PABPC4L: variants seen among roughly 807,000 people sequenced by gnomAD.
PABPC4L encodes polyadenylate-binding protein 4-like.
For missense variants in PABPC4L, 452 were observed against 451.4 expected, an observed-to-expected ratio of 1.00 and a Z score of -0.01; for synonymous variants, 169 against 164.1, an observed-to-expected ratio of 1.03 and a Z score of -0.23.
At chr4:134,130,272 A>G in the PABPC4L span, among the ~76,000 whole-genome samples, 3 of 152,168 alleles carry the variant, frequency 2.0e-5, no homozygotes, top group Middle Eastern at 3.4e-3. Flanking sequence ...ATTAAAATTG[A>G]TAGATCATTC....
the PABPC4L span, among the ~76,000 whole-genome samples, chr4:133,950,806 T>C: frequency 6.6e-6 from 1 of 152,194 alleles, no homozygotes; most frequent in African/African-American, 2.4e-5. Context: ...TTGATGGCCA[T>C]TTATATGAAC....
chr4:134,020,895 C>G, the PABPC4L span, among the ~76,000 whole-genome samples: 16 of 152,000 alleles, frequency 1.1e-4, 1 homozygote. Flanking sequence ...TATTGCTTTT[C>G]CTGTCAGAGT....
the PABPC4L span, among the ~76,000 whole-genome samples, chr4:134,130,605 A>G: frequency 6.6e-6 from 1 of 152,148 alleles, no homozygotes; most frequent in Non-Finnish European, 1.5e-5. Context: ...CAGATATTCA[A>G]ATAATTGGTA....
At chr4:133,950,910 A>G in the PABPC4L span, among the ~76,000 whole-genome samples, 11 of 151,910 alleles carry the variant, frequency 7.2e-5, no homozygotes. Context: ...ATTAGGCCCT[A>G]CTCTGTCCAG....
At chr4:134,117,554 C>T in the PABPC4L span, among the ~76,000 whole-genome samples, 139 of 151,674 alleles carry the variant, frequency 9.2e-4, no homozygotes, top group Middle Eastern at 3.4e-3. Flanking sequence ...CCATAGAAAC[C>T]GTGACAGTTA....
the PABPC4L span, among the ~76,000 whole-genome samples, chr4:134,116,177 A>G: frequency 6.6e-6 from 1 of 151,756 alleles, no homozygotes; most frequent in Non-Finnish European, 1.5e-5. Flanking sequence ...ACATGGCATG[A>G]CCTCCATTAT....
At chr4:134,018,908 T>C in the PABPC4L span, among the ~76,000 whole-genome samples, 1 of 152,112 alleles carries the variant, frequency 6.6e-6, no homozygotes, top group Non-Finnish European at 1.5e-5. Flanking sequence ...ATAAATAGAT[T>C]AGTGGTATTC....
At chr4:134,193,391 AT>A (rs1350408015), downstream of PABPC4L, among the ~76,000 whole-genome samples, 2 of 151,842 alleles carry the variant, frequency 1.3e-5, no homozygotes, top group South Asian at 2.1e-4. Flanking sequence ...AAAATAATAT[AT>A]TTTTTAAAAA....
chr4:133,994,745 T>C, the PABPC4L span, among the ~76,000 whole-genome samples: 1 of 152,122 alleles, frequency 6.6e-6, no homozygotes, highest in Non-Finnish European at 1.5e-5. Context: ...CCCTGGGCAT[T>C]GGGGACCCAG....
the PABPC4L span, among the ~76,000 whole-genome samples, chr4:134,189,669 A>C: frequency 6.6e-6 from 1 of 152,042 alleles, no homozygotes; most frequent in Non-Finnish European, 1.5e-5. Flanking sequence ...GAAGGGAAGC[A>C]TCCTGTAGTC....
At chr4:133,980,921 G>C in the PABPC4L span, among the ~76,000 whole-genome samples, 4 of 152,206 alleles carry the variant, frequency 2.6e-5, no homozygotes, top group Non-Finnish European at 5.9e-5. Flanking sequence ...ACTTTGGGAG[G>C]CCGAAGTGGG....
At chr4:134,053,714 G>A in the PABPC4L span, among the ~76,000 whole-genome samples, 1 of 151,956 alleles carries the variant, frequency 6.6e-6, no homozygotes, top group Admixed American at 6.6e-5. Context: ...GTCTTATGAG[G>A]ACATTGGTAA....
the PABPC4L span, among the ~76,000 whole-genome samples, chr4:134,146,001 C>T: frequency 3.3e-5 from 5 of 152,026 alleles, no homozygotes; most frequent in South Asian, 1.0e-3. Context: ...CAGTTATGGA[C>T]AAGTCAGTAT....
Position 134,199,793 on chromosome 4 carries a change from A to G in PABPC4L, c.*114T>C. Reference sequence around the variant, plus strand: ...AAAACGTTTTATCATAAAGTTTACTAAACTAAGCACCCATCATGTGGAATA... The same window carrying G: ...AAAACGTTTTATCATAAAGTTTACTGAACTAAGCACCCATCATGTGGAATA... On this transcript the variant is annotated 3_prime_UTR_variant, in exon 2 of 2. Transcript: ENST00000421491. 1 of 1,335,706 alleles carries G rather than the reference A, an allele frequency of 7.5e-7. No homozygotes were observed. The highest frequency in any genetic ancestry group is 1.5e-5 in the South Asian group (1 of 67,448). 82.7% of individuals were successfully genotyped at this position (1,335,706 alleles called of 1,614,324 possible).
the PABPC4L span, among the ~76,000 whole-genome samples, chr4:133,964,250 C>T: frequency 1.3e-5 from 2 of 151,888 alleles, no homozygotes; most frequent in Non-Finnish European, 2.9e-5. Flanking sequence ...AAAAATACAA[C>T]CTTCCTAGCT....
the PABPC4L span, among the ~76,000 whole-genome samples, chr4:134,118,547 A>C: frequency 6.6e-6 from 1 of 151,820 alleles, no homozygotes; most frequent in African/African-American, 2.4e-5. Flanking sequence ...ATCCTGTTTG[A>C]TTGACAAATA....
the PABPC4L span, among the ~76,000 whole-genome samples, chr4:134,180,242 C>T: frequency 6.6e-6 from 1 of 151,868 alleles, no homozygotes; most frequent in Non-Finnish European, 1.5e-5. Context: ...AAGAAAATCA[C>T]TCAATACAAT....
downstream of PABPC4L, among the ~76,000 whole-genome samples, chr4:134,192,077 A>G (rs1255941959): frequency 6.6e-6 from 1 of 152,126 alleles, no homozygotes; most frequent in East Asian, 1.9e-4. Context: ...TTGAATGTTC[A>G]TAGCAGTAGT....
chr4:134,139,030 T>C, the PABPC4L span, among the ~76,000 whole-genome samples: 1 of 151,836 alleles, frequency 6.6e-6, no homozygotes, highest in African/African-American at 2.4e-5. Context: ...TATCATTAAA[T>C]CCTAAAAAAG....
Sources: allele counts gnomAD v4.1 joint callset (sites outside exome capture counted in the v4.1 genomes callset), GRCh38; gene constraint gnomAD v4.1.1; transcripts MANE v1.5; gene names NCBI Gene and HGNC (gene_info 2026-07-23, HGNC 2026-07-21).